Variants in RBFOX1 observed in about 807,000 individuals in gnomAD.
RBFOX1 encodes the protein RNA binding fox-1 homolog 1, also known as RNA binding protein fox-1 homolog 1.
A neutral mutation model predicts 57.7 loss-of-function variants in RBFOX1; 8 were observed. The ratio of observed to expected loss-of-function variants is 0.14; its 90% CI spans 0.08 to 0.25. The LOEUF (loss-of-function observed/expected upper bound fraction) is 0.25, where lower values mean the gene tolerates loss of function less well. Ranked by LOEUF, RBFOX1 falls within the 10% of genes least tolerant of loss-of-function variation. The pLI, the probability that RBFOX1 is intolerant of heterozygous loss-of-function variation, is 1.00. For synonymous variants in RBFOX1, 326 were observed against 222.4 expected (o/e 1.47, Z -4.15); for missense variants, 611 against 548.5 (o/e 1.11, Z -1.14).
At chr16:5,676,790 A>G (rs2050181123) in intron 3 of RBFOX1, among the ~76,000 whole-genome samples, 1 of 152,164 alleles carries the variant, frequency 6.6e-6, no homozygotes, top group South Asian at 2.1e-4. Flanking sequence ...TGAACCTGGG[A>G]GACAAAGGTT....
intron 4 of RBFOX1, among the ~76,000 whole-genome samples, chr16:7,405,908 C>T (rs1281901779): frequency 2.0e-5 from 3 of 152,172 alleles, no homozygotes; most frequent in South Asian, 2.1e-4. Flanking sequence ...GTGCATTTGG[C>T]CATGTCCAGA....
intron 4 of RBFOX1, among the ~76,000 whole-genome samples, chr16:7,086,239 G>A (rs118051892): frequency 0.011 from 1,636 of 152,182 alleles, 15 homozygotes; most frequent in Non-Finnish European, 0.016. Context: ...TTTGCCATGC[G>A]CAGTTGTAGG....
chr16:6,221,501 T>C (rs1157316711), intron 1 of RBFOX1, among the ~76,000 whole-genome samples: 4 of 152,202 alleles, frequency 2.6e-5, no homozygotes, highest in African/African-American at 7.2e-5. Flanking sequence ...CTGTATTGTA[T>C]AATTTCAATA....
chr16:6,055,151 A>G (rs1049586623), intron 1 of RBFOX1, among the ~76,000 whole-genome samples: 4 of 152,124 alleles, frequency 2.6e-5, no homozygotes, highest in African/African-American at 9.7e-5. Flanking sequence ...GGTCATTTAT[A>G]GTATTTTGGA....
At chr16:5,383,973 A>C (rs1338189744) in intron 1 of RBFOX1, among the ~76,000 whole-genome samples, 1 of 152,150 alleles carries the variant, frequency 6.6e-6, no homozygotes. Flanking sequence ...ATTCTCCTCC[A>C]TGCTGGCTTC....
intron 3 of RBFOX1, among the ~76,000 whole-genome samples, chr16:7,010,822 C>A (rs1227579827): frequency 6.6e-6 from 1 of 152,126 alleles, no homozygotes; most frequent in Non-Finnish European, 1.5e-5. Context: ...ATCTCTGCCT[C>A]TGCCTCCGCC....
chr16:5,288,288 G>A (rs564708859), intron 1 of RBFOX1, among the ~76,000 whole-genome samples: 1 of 152,302 alleles, frequency 6.6e-6, no homozygotes, highest in African/African-American at 2.4e-5. Context: ...CACAAAGAAG[G>A]CCGGCTGTTA....
intron 11 of RBFOX1, among the ~76,000 whole-genome samples, chr16:7,648,843 C>A (rs151205819): frequency 6.6e-6 from 1 of 152,172 alleles, no homozygotes; most frequent in African/African-American, 2.4e-5. Context: ...AGGGCTCTGA[C>A]AATTCCAAGT....
At chr16:7,566,881 T>C (rs34295732) in intron 5 of RBFOX1, among the ~76,000 whole-genome samples, 52,007 of 151,760 alleles carry the variant, frequency 0.34, 9,817 homozygotes, top group Non-Finnish European at 0.43. Context: ...GGTGTATGTG[T>C]ATTTTCCCCC....
chr16:7,198,590 G>A (rs888766709), intron 4 of RBFOX1, among the ~76,000 whole-genome samples: 1 of 152,192 alleles, frequency 6.6e-6, no homozygotes, highest in Non-Finnish European at 1.5e-5. Context: ...AGGCTGGAAA[G>A]TCCAAGAGCA....
intron 1 of RBFOX1, among the ~76,000 whole-genome samples, chr16:6,283,316 C>G (rs967872300): frequency 6.6e-6 from 1 of 151,960 alleles, no homozygotes; most frequent in African/African-American, 2.4e-5. Context: ...CAGAGCAAGA[C>G]CTCATCTCAA....
rs74007320 is a variant in RBFOX1, at chr16:6,380,467, G to T, written c.-64+63410G>T. On this transcript the variant is annotated intron_variant, in intron 2 of 15. Transcript: ENST00000550418. ...TTTTTAGTAGAACTCAGCAGCTTGG[G>T]TCTAGACACAGAGAAAATGGACAAC... is the stretch of plus-strand genomic sequence containing the variant. Among the ~76,000 whole-genome samples the T allele has an allele frequency of 2.9e-3, 355 of 121,824 alleles. 2 individuals carry two copies. Among genetic ancestry groups the T allele is most frequent in the African/African-American group, 0.011 (338 of 32,004 alleles). 79.9% of individuals were successfully genotyped at this position (121,824 alleles called of 152,430 possible).
intron 4 of RBFOX1, among the ~76,000 whole-genome samples, chr16:7,405,959 A>G (rs962700615): frequency 9.9e-5 from 15 of 152,156 alleles, no homozygotes; most frequent in African/African-American, 3.1e-4. Context: ...GAGGGATGCA[A>G]CTGACATCGA....
At chr16:6,876,372 A>T (rs1257939569) in intron 3 of RBFOX1, among the ~76,000 whole-genome samples, 1 of 152,168 alleles carries the variant, frequency 6.6e-6, no homozygotes, top group East Asian at 1.9e-4. Context: ...TATTAATACC[A>T]TCCAACCCCT....
intron 12 of RBFOX1, among the ~76,000 whole-genome samples, chr16:7,661,404 A>G (rs1167948524): frequency 2.0e-5 from 3 of 152,036 alleles, no homozygotes; most frequent in Non-Finnish European, 4.4e-5. Flanking sequence ...TTCCAGCCAT[A>G]GGTCTTGCCT....
intron 2 of RBFOX1, among the ~76,000 whole-genome samples, chr16:6,449,116 T>A (rs1424474409): frequency 6.6e-6 from 1 of 152,176 alleles, no homozygotes; most frequent in Non-Finnish European, 1.5e-5. Context: ...GTAAAGTGTT[T>A]CTATGACCCT....
At chr16:6,274,134 A>G (rs1387903959) in intron 1 of RBFOX1, among the ~76,000 whole-genome samples, 3 of 152,198 alleles carry the variant, frequency 2.0e-5, no homozygotes, top group Admixed American at 6.5e-5. Context: ...ACTTTGAGAT[A>G]TAGTGGAGCA....
chr16:7,170,164 C>G (rs1047828215), intron 4 of RBFOX1, among the ~76,000 whole-genome samples: 2 of 152,154 alleles, frequency 1.3e-5, no homozygotes, highest in African/African-American at 4.8e-5. Flanking sequence ...CTTCAAATTT[C>G]CAAAACCCCT....
At chr16:6,333,540 C>T (rs1259649807) in intron 2 of RBFOX1, among the ~76,000 whole-genome samples, 4 of 152,168 alleles carry the variant, frequency 2.6e-5, no homozygotes, top group Non-Finnish European at 5.9e-5. Context: ...TCAAATTTCT[C>T]ATCAGCTTTT....
Sources: allele counts gnomAD v4.1 joint callset (sites outside exome capture counted in the v4.1 genomes callset), GRCh38; gene constraint gnomAD v4.1.1; transcripts MANE v1.5; gene names NCBI Gene and HGNC (gene_info 2026-07-23, HGNC 2026-07-21).